PRKG1: variants seen among roughly 807,000 people sequenced by gnomAD.
PRKG1 encodes protein kinase cGMP-dependent 1.
A neutral mutation model predicts 88.1 loss-of-function variants in PRKG1; 35 were observed. The observed-to-expected ratio is 0.40, with a 90% confidence interval of 0.30 to 0.53. PRKG1 has a LOEUF of 0.53. Among genes scored for constraint, PRKG1 ranks in the 20% least tolerant of loss-of-function variants. The pLI, the probability that PRKG1 is intolerant of heterozygous loss-of-function variation, is 0.59. For missense variants in PRKG1, 540 were observed against 839.8 expected (o/e 0.64, Z 4.41); for synonymous variants, 303 against 292.5 (o/e 1.04, Z -0.37).
intron 3 of PRKG1, among the ~76,000 whole-genome samples, chr10:51,736,619 T>TC (rs949464056): frequency 2.0e-5 from 3 of 151,514 alleles, no homozygotes; most frequent in African/African-American, 7.3e-5. Context: ...TTTTTTTTTT[T>TC]TTTTAAGAGA....
chr10:51,216,939 A>T (rs993083922), intron 2 of PRKG1, among the ~76,000 whole-genome samples: 2 of 152,146 alleles, frequency 1.3e-5, no homozygotes, highest in Non-Finnish European at 2.9e-5. Flanking sequence ...CATGAGAATA[A>T]AATCATTGTC....
At chr10:51,974,851 T>C (rs1387978934) in intron 5 of PRKG1, among the ~76,000 whole-genome samples, 1 of 152,126 alleles carries the variant, frequency 6.6e-6, no homozygotes, top group Non-Finnish European at 1.5e-5. Context: ...CTTGAGGTTG[T>C]AAACTGTCAT....
At chr10:52,056,782 A>C (rs1320013778) in intron 6 of PRKG1, among the ~76,000 whole-genome samples, 2 of 152,014 alleles carry the variant, frequency 1.3e-5, no homozygotes, top group African/African-American at 4.8e-5. Context: ...ATACTAATAT[A>C]TTAACAATAT....
chr10:51,788,482 T>G (rs1838785823), intron 3 of PRKG1, among the ~76,000 whole-genome samples: 1 of 152,190 alleles, frequency 6.6e-6, no homozygotes, highest in South Asian at 2.1e-4. Context: ...CTCCTTTTCC[T>G]GGTGATTTTT....
intron 2 of PRKG1, among the ~76,000 whole-genome samples, chr10:51,155,012 T>C (rs1846171026): frequency 2.0e-5 from 3 of 152,038 alleles, no homozygotes; most frequent in Admixed American, 6.6e-5. Flanking sequence ...AATAGCTTCA[T>C]ATGATATTAT....
chr10:51,549,120 CT>C (rs56045527), intron 3 of PRKG1, among the ~76,000 whole-genome samples: 2,143 of 70,304 alleles, frequency 0.03, 16 homozygotes, highest in African/African-American at 0.074. Flanking sequence ...CTTTTCTTTT[CT>C]TTTTTTTTTT....
chr10:51,880,093 C>T lies in PRKG1; in HGVS notation c.699-27414C>T, dbSNP rs190659337. Among the ~76,000 whole-genome samples, 88 of 152,224 alleles carry T rather than the reference C, an allele frequency of 5.8e-4. 1 individual carries two copies. The highest frequency in any genetic ancestry group is 1.0e-3 in the Non-Finnish European group (71 of 68,018). On this transcript the variant is annotated intron_variant, in intron 4 of 17. Transcript: ENST00000373980. ...CCACCTTTTACATCAGAAAGAGATACCTCGTTTGCACAAGAAAATTTTATT... is the reference window on the plus strand; with the variant it reads ...CCACCTTTTACATCAGAAAGAGATATCTCGTTTGCACAAGAAAATTTTATT...
chr10:51,720,224 C>T (rs921653838), intron 3 of PRKG1, among the ~76,000 whole-genome samples: 5 of 152,126 alleles, frequency 3.3e-5, no homozygotes, highest in African/African-American at 1.2e-4. Flanking sequence ...CCTACAGGAC[C>T]TTCCATAATT....
chr10:51,489,071 A>G (rs564293578), intron 3 of PRKG1, among the ~76,000 whole-genome samples: 7 of 152,326 alleles, frequency 4.6e-5, no homozygotes, highest in Admixed American at 2.0e-4. Context: ...AGCAACATAC[A>G]TTGAAAAATT....
At chr10:52,012,092 A>T (rs10762522) in intron 5 of PRKG1, among the ~76,000 whole-genome samples, 1 of 150,912 alleles carries the variant, frequency 6.6e-6, no homozygotes, top group Non-Finnish European at 1.5e-5. Flanking sequence ...CCTCTCTTTC[A>T]CTCTTCACTG....
intron 2 of PRKG1, among the ~76,000 whole-genome samples, chr10:51,428,083 T>C (rs1033839912): frequency 2.0e-5 from 3 of 152,140 alleles, no homozygotes; most frequent in Admixed American, 6.5e-5. Flanking sequence ...AAGAACTTCT[T>C]TGAGAGGATG....
At chr10:52,286,727 G>C (rs117271768) in intron 14 of PRKG1, among the ~76,000 whole-genome samples, 4,074 of 151,522 alleles carry the variant, frequency 0.027, 298 homozygotes, top group East Asian at 0.24. Context: ...TCTAAATTCA[G>C]TTTGATTTTT....
At chr10:51,772,301 G>T (rs1589274487) in intron 3 of PRKG1, among the ~76,000 whole-genome samples, 2 of 151,950 alleles carry the variant, frequency 1.3e-5, no homozygotes, top group African/African-American at 4.8e-5. Context: ...AGTGTGCAAA[G>T]GTATGTATTC....
chr10:51,638,721 G>A (rs1025093377), intron 3 of PRKG1, among the ~76,000 whole-genome samples: 4 of 152,178 alleles, frequency 2.6e-5, no homozygotes, highest in African/African-American at 9.7e-5. Flanking sequence ...GAATCATGGA[G>A]GAGAAGGAAG....
chr10:51,292,125 A>G (rs545877330), intron 2 of PRKG1, among the ~76,000 whole-genome samples: 1 of 152,304 alleles, frequency 6.6e-6, no homozygotes, highest in African/African-American at 2.4e-5. Flanking sequence ...ACAGTGGGAA[A>G]TGAACACAAT....
intron 3 of PRKG1, among the ~76,000 whole-genome samples, chr10:51,565,018 A>G (rs938152976): frequency 1.3e-5 from 2 of 152,088 alleles, no homozygotes; most frequent in Non-Finnish European, 2.9e-5. Flanking sequence ...TGAAAGCATT[A>G]CACACAAAAG....
intron 3 of PRKG1, among the ~76,000 whole-genome samples, chr10:51,602,732 A>ATATATG (rs1477531011): frequency 2.3e-5 from 3 of 128,876 alleles, no homozygotes; most frequent in African/African-American, 7.6e-5. Flanking sequence ...ATTAATATAT[A>ATATATG]TGTGTGTGTG....
chr10:50,994,907 T>C (rs1842821825), intron 1 of PRKG1, among the ~76,000 whole-genome samples: 2 of 152,158 alleles, frequency 1.3e-5, no homozygotes, highest in Non-Finnish European at 2.9e-5. Flanking sequence ...ATATAATTTA[T>C]ATTGCATTAG....
chr10:51,581,921 G>A (rs961968749), intron 3 of PRKG1, among the ~76,000 whole-genome samples: 2 of 149,968 alleles, frequency 1.3e-5, no homozygotes, highest in African/African-American at 2.5e-5. Flanking sequence ...CTCCAATGAA[G>A]GAATAAGTAC....
Sources: allele counts gnomAD v4.1 joint callset (sites outside exome capture counted in the v4.1 genomes callset), GRCh38; gene constraint gnomAD v4.1.1; transcripts MANE v1.5; gene names NCBI Gene and HGNC (gene_info 2026-07-23, HGNC 2026-07-21).